The following BFSP1 variants were observed in gnomAD, a reference collection of about 807,000 sequenced individuals.
BFSP1 encodes the protein beaded filament structural protein 1.
BFSP1 carries 38 observed loss-of-function variants against 43.9 expected under a neutral mutation model. That is an observed-to-expected ratio of 0.87 (90% CI 0.67 to 1.14). The LOEUF is 1.14. Ranked by LOEUF, BFSP1 falls within the 50% of genes most tolerant of loss-of-function variation. The pLI is 0.00. For missense variants in BFSP1, 850 were observed against 875.1 expected (o/e 0.97, Z 0.36); for synonymous variants, 352 against 354.8 (o/e 0.99, Z 0.09).
chr20:17,537,581 A>AAC (rs2034648422), intron 1 of BFSP1, among the ~76,000 whole-genome samples: 2 of 151,872 alleles, frequency 1.3e-5, no homozygotes, highest in Admixed American at 6.6e-5. Context: ...AAAAAAAAAA[A>AAC]AAAAAAAACA....
intron 1 of BFSP1, among the ~76,000 whole-genome samples, chr20:17,553,102 C>T (rs1381797288): frequency 6.6e-6 from 1 of 152,088 alleles, no homozygotes; most frequent in Non-Finnish European, 1.5e-5. Flanking sequence ...GCAAAGGAGC[C>T]TGAAAAGGAC....
At position 17,508,985 on chromosome 20, in the gene BFSP1, C is replaced by G. The variant is rs753737253; in HGVS notation, c.639G>C (p.Leu213=). ...GCAGGGCGGCCACCTCCCGCTCCGT[C>G]AGGAGCTTCTCCTGCACAGAGAAGG... ...VTSGMREEKL[L]TEREVAALRS... Residue 213 remains leucine, a synonymous_variant, in exon 5 of 8, where the codon CTG becomes CTC. Coordinates refer to ENST00000377873, the MANE Select transcript of BFSP1 (RefSeq NM_001195.5). 1 of 1,585,878 alleles carries G rather than the reference C, an allele frequency of 6.3e-7. No homozygotes were observed. Among genetic ancestry groups the G allele is most frequent in the Non-Finnish European group, 8.6e-7 (1 of 1,167,364 alleles).
At chr20:17,556,912 T>C (rs2123595488) in intron 1 of BFSP1, among the ~76,000 whole-genome samples, 1 of 152,278 alleles carries the variant, frequency 6.6e-6, no homozygotes, top group Non-Finnish European at 1.5e-5. Context: ...CAAAGTGGTT[T>C]CCCTTCTGAA....
At chr20:17,563,274 G>C (rs1157434566), upstream of BFSP1, among the ~76,000 whole-genome samples, 2 of 152,160 alleles carry the variant, frequency 1.3e-5, no homozygotes. Flanking sequence ...CTAAGTTCTG[G>C]TCAATGAGAT....
chr20:17,544,351 T>C (rs996139614), intron 1 of BFSP1, among the ~76,000 whole-genome samples: 1 of 152,162 alleles, frequency 6.6e-6, no homozygotes, highest in Non-Finnish European at 1.5e-5. Flanking sequence ...GCAGCACTTG[T>C]GGGACAGAAA....
chr20:17,512,136 T>A (rs2034097586), intron 3 of BFSP1, 68 bp from the exon 4 acceptor site: 1 of 1,338,356 alleles, frequency 7.5e-7, no homozygotes, highest in Non-Finnish European at 1.1e-6. Context: ...TAGTACTAGA[T>A]GAGAACAGGA....
intron 7 of BFSP1, among the ~76,000 whole-genome samples, chr20:17,495,645 T>A (rs2033614542): frequency 6.6e-6 from 1 of 152,158 alleles, no homozygotes; most frequent in Non-Finnish European, 1.5e-5. Context: ...AGCGATGCTA[T>A]GAAATTCAGA....
Position 17,525,871 on chromosome 20 carries a change from T to C in BFSP1, c.378-963A>G, listed in dbSNP as rs34902028. The stretch of plus-strand genomic sequence containing the variant: ...AGTCCTGACCAATGGGATGGAAGCA[T>C]AAGTCTGCATGGCAGCTTCCAGATA... On this transcript the variant is annotated intron_variant, in intron 1 of 7. Coordinates refer to ENST00000377873, the MANE Select transcript of BFSP1 (RefSeq NM_001195.5). This position sits in a 1 kb window ranked among gnomAD's most constrained non-coding sequence, Gnocchi z 4.2. Among the ~76,000 whole-genome samples, 32,497 of 152,002 alleles carry C rather than the reference T, an allele frequency of 0.21. 3,827 individuals carry two copies. The highest frequency in any genetic ancestry group is 0.27 in the Admixed American group (4,061 of 15,270).
intron 1 of BFSP1, among the ~76,000 whole-genome samples, chr20:17,554,975 A>T (rs558960530): frequency 5.4e-4 from 82 of 152,282 alleles, no homozygotes; most frequent in African/African-American, 1.9e-3. Context: ...ACCTTGAAAT[A>T]ATCTAATTAA....
rs1322306499 is a variant in BFSP1 at position 17,493,963 on chromosome 20, A to G, written c.*111T>C. The G allele has an allele frequency of 9.5e-7, 1 of 1,056,346 alleles. No individual in the cohort carries two copies. The highest frequency in any genetic ancestry group is 1.6e-5 in the African/African-American group (1 of 62,536). The allele number at this position is 1,056,346 out of a possible 1,614,324, so 65.4% of individuals were successfully genotyped here. On this transcript the variant is annotated 3_prime_UTR_variant, in exon 8 of 8. Transcript: ENST00000377873. The stretch of plus-strand genomic sequence containing the variant: ...GTTGGCAATGCCAGATGGGTCAACT[A>G]TGGTCTAATCCAAACAGGAACCCTC...
upstream of BFSP1, among the ~76,000 whole-genome samples, chr20:17,534,262 G>A (rs1190941515): frequency 6.6e-6 from 1 of 152,246 alleles, no homozygotes; most frequent in Admixed American, 6.5e-5. Context: ...AATGGCACTA[G>A]TTTGGGGGCA....
chr20:17,566,346 T>C (rs1198953733), intron 1 of BFSP1, among the ~76,000 whole-genome samples: 6 of 152,154 alleles, frequency 3.9e-5, no homozygotes, highest in African/African-American at 7.2e-5. Flanking sequence ...ATATTAATGG[T>C]TTTAAATTCA....
chr20:17,497,502 G>A (rs1055656842), intron 6 of BFSP1, among the ~76,000 whole-genome samples: 9 of 133,666 alleles, frequency 6.7e-5, no homozygotes, highest in African/African-American at 2.6e-4. Context: ...ATATATACAC[G>A]TATATATACG....
intron 5 of BFSP1, 71 bp from the exon 6 acceptor site, chr20:17,499,111 AG>A: frequency 2.9e-6 from 4 of 1,361,116 alleles, no homozygotes; most frequent in Non-Finnish European, 4.2e-6. Flanking sequence ...CACCAGGAAA[AG>A]GAACCTGGAC....
intron 1 of BFSP1, among the ~76,000 whole-genome samples, chr20:17,537,075 C>T (rs934378820): frequency 6.6e-6 from 1 of 152,144 alleles, no homozygotes; most frequent in East Asian, 1.9e-4. Flanking sequence ...GACTCTGCAC[C>T]TTTTACCATC....
chr20:17,521,750 A>G (rs1252354462), intron 2 of BFSP1, among the ~76,000 whole-genome samples: 1 of 152,232 alleles, frequency 6.6e-6, no homozygotes, highest in African/African-American at 2.4e-5. Flanking sequence ...AGGTGATCCC[A>G]GGAAGCACAG....
At chr20:17,566,103 G>A (rs2035115468) in intron 1 of BFSP1, among the ~76,000 whole-genome samples, 2 of 118,318 alleles carry the variant, frequency 1.7e-5, no homozygotes, top group East Asian at 4.9e-4. Context: ...GGGTGACAGA[G>A]CAAGACTCCG....
chr20:17,564,824 G>A (rs1260763277), intron 1 of BFSP1, among the ~76,000 whole-genome samples: 1 of 152,098 alleles, frequency 6.6e-6, no homozygotes, highest in Admixed American at 6.6e-5. Flanking sequence ...CCTGACCTTA[G>A]GTGATCTGCC....
chr20:17,507,218 C>T lies in BFSP1; in HGVS notation c.735+1671G>A, dbSNP rs2033957007. On this transcript the variant is annotated intron_variant, in intron 5 of 7. Transcript: ENST00000377873. This position sits in a 1 kb window ranked among gnomAD's most constrained non-coding sequence, Gnocchi z 4.4. Reference sequence around the variant, plus strand: ...GCAGTGGTTTTCAACTTTATCACCACCGCCCCAGGAAAAACCACATTTCTC... The same window carrying T: ...GCAGTGGTTTTCAACTTTATCACCATCGCCCCAGGAAAAACCACATTTCTC... The T allele has an allele frequency of 6.6e-6, 1 of 152,058 alleles. No homozygotes were observed. The highest frequency in any genetic ancestry group is 2.1e-4 in the South Asian group (1 of 4,820). 9.4% of individuals were successfully genotyped at this position (152,058 alleles called of 1,614,324 possible). A position where few individuals can be genotyped will look rare whatever the true frequency, so the allele number is the denominator to read the frequency against.
Sources: allele counts gnomAD v4.1 joint callset (sites outside exome capture counted in the v4.1 genomes callset), GRCh38; gene constraint gnomAD v4.1.1; non-coding constraint Gnocchi (gnomAD v3.1); transcripts MANE v1.5; gene names NCBI Gene and HGNC (gene_info 2026-07-23, HGNC 2026-07-21).